The following HAPSTR1 variants were observed in gnomAD, a reference collection of about 807,000 sequenced individuals.
The protein encoded by HAPSTR1 is HUWE1 associated protein modifying stress responses, also known as HUWE1-associated protein modifying stress responses 1.
At chr16:9,112,107 TG>T in the HAPSTR1 span, 1 of 152,166 alleles carries the variant, frequency 6.6e-6, no homozygotes, top group Admixed American at 6.5e-5. Flanking sequence ...ATTTACAGAT[TG>T]GGGTGGGGAG....
chr16:9,100,783 C>T, the HAPSTR1 span, among the ~76,000 whole-genome samples: 1 of 152,172 alleles, frequency 6.6e-6, no homozygotes, highest in African/African-American at 2.4e-5. Context: ...GATCCACCCA[C>T]CTTGGCCTCC....
the HAPSTR1 span, chr16:9,109,315 G>A: frequency 1.3e-5 from 2 of 152,244 alleles, no homozygotes; most frequent in Middle Eastern, 6.8e-3. Context: ...TTAGGTGAAA[G>A]GGTCCCGAGT....
chr16:9,092,308 C>T, the HAPSTR1 span: 7 of 1,444,406 alleles, frequency 4.8e-6, no homozygotes, highest in Non-Finnish European at 5.5e-6. Context: ...CGCTTGGCCG[C>T]CCCCGCCCGG....
At chr16:9,120,478 A>G in the HAPSTR1 span, 13 of 142,612 alleles carry the variant, frequency 9.1e-5, no homozygotes, top group African/African-American at 3.2e-4. Context: ...TTTACTTCCT[A>G]TAATGGGATC....
At chr16:9,100,210 A>G in the HAPSTR1 span, among the ~76,000 whole-genome samples, 840 of 152,296 alleles carry the variant, frequency 5.5e-3, 11 homozygotes, top group African/African-American at 0.019. Context: ...TTGAGGTGAA[A>G]TAATTGGTCA....
the HAPSTR1 span, chr16:9,091,893 C>A: frequency 1.9e-6 from 1 of 531,382 alleles, no homozygotes; most frequent in Non-Finnish European, 2.9e-6. Flanking sequence ...CGCCGGCCGT[C>A]GGGGTGCAGG....
the HAPSTR1 span, chr16:9,091,720 T>A: frequency 2.5e-6 from 1 of 393,420 alleles, no homozygotes; most frequent in Non-Finnish European, 4.4e-6. Context: ...GCGGCGGCAG[T>A]GGGGAGGCCG....
At chr16:9,113,982 T>C in the HAPSTR1 span, among the ~76,000 whole-genome samples, 1 of 152,220 alleles carries the variant, frequency 6.6e-6, no homozygotes, top group Non-Finnish European at 1.5e-5. Flanking sequence ...CTTTGAAGTA[T>C]TATTCTTTTT....
chr16:9,121,270 C>G, the HAPSTR1 span: 1 of 152,144 alleles, frequency 6.6e-6, no homozygotes, highest in Non-Finnish European at 1.5e-5. Flanking sequence ...TTAAGTTTCT[C>G]TATGACAAAT....
the HAPSTR1 span, chr16:9,116,726 A>G: frequency 6.2e-7 from 1 of 1,614,204 alleles, no homozygotes; most frequent in South Asian, 1.1e-5. Context: ...GCTCTCCTAC[A>G]CATGTAAGCA....
chr16:9,102,977 C>T, the HAPSTR1 span: 2 of 1,603,316 alleles, frequency 1.2e-6, no homozygotes, highest in Non-Finnish European at 8.5e-7. Flanking sequence ...TTCTTTTTTT[C>T]TAACAGAAAG....
chr16:9,103,190 A>T, the HAPSTR1 span: 16 of 1,614,162 alleles, frequency 9.9e-6, no homozygotes, highest in Non-Finnish European at 1.3e-5. Context: ...TAACCGAGCT[A>T]CTTCAACGGA....
the HAPSTR1 span, among the ~76,000 whole-genome samples, chr16:9,102,712 A>G: frequency 1.3e-5 from 2 of 152,212 alleles, no homozygotes; most frequent in African/African-American, 4.8e-5. Context: ...TTCATTAAAG[A>G]TACCTAATCT....
chr16:9,100,993 C>T, the HAPSTR1 span, among the ~76,000 whole-genome samples: 1 of 152,200 alleles, frequency 6.6e-6, no homozygotes, highest in Non-Finnish European at 1.5e-5. Flanking sequence ...ACAGAAACTT[C>T]TTCATTTACA....
the HAPSTR1 span, among the ~76,000 whole-genome samples, chr16:9,093,791 G>C: frequency 6.6e-6 from 1 of 151,742 alleles, no homozygotes. Flanking sequence ...GGTAACGGTG[G>C]GTTTAGATTT....
the HAPSTR1 span, among the ~76,000 whole-genome samples, chr16:9,099,784 C>A: frequency 6.6e-6 from 1 of 152,168 alleles, no homozygotes; most frequent in African/African-American, 2.4e-5. Context: ...CCACTGTACA[C>A]TAGTTTGTCC....
At chr16:9,113,637 C>G in the HAPSTR1 span, among the ~76,000 whole-genome samples, 1 of 152,046 alleles carries the variant, frequency 6.6e-6, no homozygotes, top group African/African-American at 2.4e-5. Flanking sequence ...TTGAAGTAGC[C>G]CAGTTTATTG....
At chr16:9,114,472 A>T in the HAPSTR1 span, among the ~76,000 whole-genome samples, 1 of 152,172 alleles carries the variant, frequency 6.6e-6, no homozygotes. Flanking sequence ...AGGTGGGCTC[A>T]CTCAGGGAGT....
the HAPSTR1 span, among the ~76,000 whole-genome samples, chr16:9,102,017 A>C: frequency 3.7e-3 from 561 of 152,260 alleles, 3 homozygotes; most frequent in African/African-American, 0.013. Context: ...GCTACTCAGG[A>C]GGCTGAAGCA....
Sources: gnomAD v4.1 joint callset for allele counts (sites outside exome capture counted in the v4.1 genomes callset) on GRCh38, gnomAD v4.1.1 for gene constraint, MANE v1.5 for transcripts, NCBI Gene and HGNC (gene_info 2026-07-23, HGNC 2026-07-21) for gene names.